The following ADGRV1 variants were observed in gnomAD, a reference collection of about 807,000 sequenced individuals.
ADGRV1 encodes the protein adhesion G protein-coupled receptor V1.
A neutral mutation model predicts 596.2 loss-of-function variants in ADGRV1; 359 were observed. That is an observed-to-expected ratio of 0.60 (90% CI 0.55 to 0.66). ADGRV1 has a LOEUF of 0.66. Among genes scored for constraint, ADGRV1 ranks in the 30% least tolerant of loss-of-function variants. ADGRV1 has a pLI of 0.00. For missense variants in ADGRV1, 7,274 were observed against 7,575.6 expected, an observed-to-expected ratio of 0.96 and a Z score of 1.48; for synonymous variants, 2,681 against 2,679.2, an observed-to-expected ratio of 1.00 and a Z score of -0.02.
At chr5:91,105,427 G>A (rs1042122203) in intron 87 of ADGRV1, among the ~76,000 whole-genome samples, 3 of 152,152 alleles carry the variant, frequency 2.0e-5, no homozygotes, top group Non-Finnish European at 4.4e-5. Flanking sequence ...GTTCTCCATA[G>A]TGGTTGTACT....
At position 90,674,051 on chromosome 5, in the gene ADGRV1, T is replaced by G. The variant is rs927813560; in HGVS notation, c.4930-3T>G. On this transcript the variant is annotated splice_region_variant and splice_polypyrimidine_tract_variant and intron_variant, in intron 22 of 89. Transcript: ENST00000405460. ...TAGTGCCTCTGGATATTTATATTTT[T>G]AGGTTCTGAATATATATGTTCTTGA... is the stretch of plus-strand genomic sequence containing the variant. 4 of 1,597,694 alleles carry G rather than the reference T, an allele frequency of 2.5e-6. No homozygotes were observed. The highest frequency in any genetic ancestry group is 3.4e-6 in the Non-Finnish European group (4 of 1,168,106).
intron 83 of ADGRV1, among the ~76,000 whole-genome samples, chr5:90,926,232 G>A (rs1774428946): frequency 6.6e-6 from 1 of 152,056 alleles, no homozygotes; most frequent in African/African-American, 2.4e-5. Flanking sequence ...TGTACCTCTG[G>A]TAGAATTCGT....
At chr5:90,578,164 T>C (rs1757488705) in intron 1 of ADGRV1, among the ~76,000 whole-genome samples, 1 of 152,196 alleles carries the variant, frequency 6.6e-6, no homozygotes, top group Admixed American at 6.5e-5. Context: ...ATAGAAGTGG[T>C]GAGAGGGGCA....
intron 83 of ADGRV1, among the ~76,000 whole-genome samples, chr5:90,869,180 G>A (rs1768428001): frequency 6.6e-6 from 1 of 152,096 alleles, no homozygotes; most frequent in Non-Finnish European, 1.5e-5. Context: ...TCTCTGTGGA[G>A]GAAATGGAAT....
chr5:90,963,044 A>G (rs942394111), intron 83 of ADGRV1, among the ~76,000 whole-genome samples: 1 of 152,202 alleles, frequency 6.6e-6, no homozygotes, highest in Admixed American at 6.5e-5. Flanking sequence ...GGATTACACT[A>G]TTCTATTACA....
intron 59 of ADGRV1, among the ~76,000 whole-genome samples, chr5:90,765,468 CACAA>C (rs748958738): frequency 2.9e-4 from 42 of 146,976 alleles, no homozygotes; most frequent in Admixed American, 1.3e-3. Context: ...CACACACACA[CACAA>C]ACTCTAGATA....
At chr5:91,042,734 C>T (rs1281867554) in intron 85 of ADGRV1, among the ~76,000 whole-genome samples, 1 of 152,110 alleles carries the variant, frequency 6.6e-6, no homozygotes, top group Non-Finnish European at 1.5e-5. Flanking sequence ...AGCAAACAAT[C>T]TCTGTCCTGT....
chr5:90,667,976 T>G (rs1465785953), intron 21 of ADGRV1, among the ~76,000 whole-genome samples: 6 of 151,634 alleles, frequency 4.0e-5, no homozygotes, highest in African/African-American at 1.5e-4. Context: ...TTCTCAGATC[T>G]CCAGCTGCGT....
intron 33 of ADGRV1, among the ~76,000 whole-genome samples, chr5:90,695,088 G>A (rs1747015885): frequency 6.6e-6 from 1 of 152,028 alleles, no homozygotes; most frequent in East Asian, 1.9e-4. Flanking sequence ...GTGGTAGCTA[G>A]GAAAATGAGT....
intron 1 of ADGRV1, among the ~76,000 whole-genome samples, chr5:90,592,883 CAA>C: frequency 6.6e-6 from 1 of 152,288 alleles, no homozygotes; most frequent in South Asian, 2.1e-4. Flanking sequence ...AAATGCAAAT[CAA>C]AACCAGAATG....
At chr5:90,962,042 G>T (rs1778079674) in intron 83 of ADGRV1, among the ~76,000 whole-genome samples, 1 of 152,172 alleles carries the variant, frequency 6.6e-6, no homozygotes, top group African/African-American at 2.4e-5. Context: ...GCTCAAGAAA[G>T]AATGCTGCTC....
intron 4 of ADGRV1, among the ~76,000 whole-genome samples, chr5:90,620,219 A>G (rs1430119792): frequency 3.3e-5 from 5 of 152,112 alleles, no homozygotes; most frequent in Admixed American, 6.5e-5. Context: ...TCCCACCAAC[A>G]GTGTAAAAGT....
chr5:90,779,238 A>G (rs1758592355), intron 64 of ADGRV1, 141 bp downstream of exon 64: 1 of 482,274 alleles, frequency 2.1e-6, no homozygotes, highest in African/African-American at 1.9e-5. Flanking sequence ...TTAGAACAGG[A>G]CATACAAGGG....
At chr5:91,011,471 G>A (rs976335597) in intron 85 of ADGRV1, among the ~76,000 whole-genome samples, 1 of 151,848 alleles carries the variant, frequency 6.6e-6, no homozygotes, top group African/African-American at 2.4e-5. Flanking sequence ...TGGCAAACAA[G>A]CACTACTGCC....
intron 27 of ADGRV1, 33 bp downstream of exon 27, chr5:90,681,487 C>T: frequency 6.3e-7 from 1 of 1,584,436 alleles, no homozygotes; most frequent in Non-Finnish European, 8.6e-7. Context: ...TTCCTAGACA[C>T]TTTCTGTTGT....
intron 60 of ADGRV1, among the ~76,000 whole-genome samples, chr5:90,775,467 T>C (rs2150067646): frequency 6.6e-6 from 1 of 152,174 alleles, no homozygotes; most frequent in Non-Finnish European, 1.5e-5. Flanking sequence ...TCAGGATAAA[T>C]CATTTACCAT....
chr5:90,995,033 G>A (rs894264878), intron 85 of ADGRV1, among the ~76,000 whole-genome samples: 4 of 152,296 alleles, frequency 2.6e-5, no homozygotes, highest in South Asian at 4.1e-4. Flanking sequence ...CTGAACATGA[G>A]CAAAGCCTCA....
chr5:91,152,673 G>GA (rs2126910511), intron 88 of ADGRV1, among the ~76,000 whole-genome samples: 1 of 152,054 alleles, frequency 6.6e-6, no homozygotes, highest in African/African-American at 2.4e-5. Flanking sequence ...TTTTGTTTTT[G>GA]TTTTTTTAGT....
chr5:90,936,552 TA>T (rs1775708335), intron 83 of ADGRV1, among the ~76,000 whole-genome samples: 1 of 152,008 alleles, frequency 6.6e-6, no homozygotes. Flanking sequence ...TTATTCTAAT[TA>T]ATATTTTATC....
Sources: gnomAD v4.1 joint callset for allele counts (sites outside exome capture counted in the v4.1 genomes callset) on GRCh38, gnomAD v4.1.1 for gene constraint, MANE v1.5 for transcripts, NCBI Gene and HGNC (gene_info 2026-07-23, HGNC 2026-07-21) for gene names.